Variants in HEATR5B observed in about 807,000 individuals in gnomAD.
HEATR5B encodes HEAT repeat containing 5B.
In HEATR5B, 156 loss-of-function variants were observed where a neutral mutation model predicts 224.1. That is an observed-to-expected ratio of 0.70 (90% CI 0.61 to 0.80). The LOEUF is 0.80. HEATR5B is among the 30% of genes least tolerant of loss of function. HEATR5B has a pLI of 0.00. For synonymous variants in HEATR5B, 1,027 were observed against 893.0 expected (o/e 1.15, Z -2.68); for missense variants, 2,323 against 2,535.5 (o/e 0.92, Z 1.80).
intron 22 of HEATR5B, among the ~76,000 whole-genome samples, chr2:37,031,861 C>G (rs912015051): frequency 2.6e-5 from 4 of 151,940 alleles, no homozygotes; most frequent in Non-Finnish European, 5.9e-5. Context: ...AGTTTCCAAA[C>G]CACCTACACC....
At chr2:37,081,487 T>C (rs1329182327) in intron 2 of HEATR5B, among the ~76,000 whole-genome samples, 1 of 152,102 alleles carries the variant, frequency 6.6e-6, no homozygotes, top group Non-Finnish European at 1.5e-5. Flanking sequence ...AAACCAACTG[T>C]TCCCAACAGG....
At chr2:37,020,595 C>G (rs1668402170) in intron 25 of HEATR5B, 60 bp downstream of exon 25, 66 of 1,308,638 alleles carry the variant, frequency 5.0e-5, no homozygotes, top group Non-Finnish European at 6.4e-5. Flanking sequence ...GAAGTCTGCA[C>G]TTCTTCAGCA....
In HEATR5B at chr2:37,013,908, G is replaced by C. The variant is rs1039114832; in HGVS notation, c.4217C>G (p.Ser1406Cys). 1.7e-5 allele frequency: 28 copies of C among 1,613,104 alleles called. No individual in the cohort carries two copies. In the African/African-American group the frequency reaches 3.3e-4, roughly 19 times the overall value. Residue 1406 changes from serine (S) to cysteine (C), a missense_variant, in exon 27 of 36, where the codon TCC becomes TGC. Ser to Cys is a moderately radical substitution (Grantham distance 112, BLOSUM62 -1). This residue lies in a region of HEATR5B where 844 missense variants were observed against 812.9 expected (regional missense o/e 1.04). Transcript: ENST00000233099. ...LDKVQAGKGSSSQLYRESATT... is the reference protein window; with the variant it reads ...LDKVQAGKGSCSQLYRESATT... ...GGCACTCTCTCGGTACAGCTGGCTG[G>C]AAGATCCTTTTCCAGCCTGAACTTT...
chr2:36,990,504 T>G, intron 34 of HEATR5B, 144 bp downstream of exon 34: 1 of 637,692 alleles, frequency 1.6e-6, no homozygotes, highest in Admixed American at 3.4e-5. Context: ...TTAAACCCAG[T>G]GATTTGTTTC....
At chr2:37,001,600 A>T (rs1036306619) in intron 32 of HEATR5B, among the ~76,000 whole-genome samples, 1 of 151,528 alleles carries the variant, frequency 6.6e-6, no homozygotes, top group African/African-American at 2.4e-5. Flanking sequence ...AAATACACTA[A>T]CATTAACAAC....
At position 37,070,251 on chromosome 2, in the gene HEATR5B, T is replaced by G. The variant is rs1435815979; in HGVS notation, c.906A>C (p.Glu302Asp). The part of the protein sequence containing the change: ...MLKVGGSVNR[E>D]VRVGVTQAYV... ...AAACCTGCGTAACTCCAACTCTCAC[T>G]TCACGATTAACGGACCCTCCAACTT... The change falls in exon 7 of 36, where the codon GAA becomes GAC. Residue 302 changes from glutamate (E) to aspartate (D), a missense_variant. Physicochemically the swap from Glu to Asp is conservative, Grantham distance 45 (BLOSUM62 2). Coordinates refer to ENST00000233099, the MANE Select transcript of HEATR5B (RefSeq NM_019024.3). 6.2e-7 allele frequency: 1 copy of G among 1,614,114 alleles called. No individual in the cohort carries two copies.
intron 2 of HEATR5B, 70 bp downstream of exon 2, chr2:37,083,219 T>C (rs1466054316): frequency 3.9e-5 from 61 of 1,564,628 alleles, no homozygotes; most frequent in Non-Finnish European, 4.7e-5. Flanking sequence ...ATAACATGTG[T>C]TTTCTTAAGA....
intron 12 of HEATR5B, among the ~76,000 whole-genome samples, chr2:37,060,252 G>A (rs79112110): frequency 0.016 from 2,367 of 152,232 alleles, 177 homozygotes; most frequent in Admixed American, 0.14. Flanking sequence ...TCTTTAAATA[G>A]CTGTTGGGTA....
chr2:37,025,014 A>G (rs979881231), intron 24 of HEATR5B, among the ~76,000 whole-genome samples: 5 of 152,218 alleles, frequency 3.3e-5, no homozygotes, highest in Non-Finnish European at 5.9e-5. Context: ...ATATTTGGGG[A>G]GTAGTAATTC....
At chr2:36,986,332 G>A (rs1206003362) in intron 35 of HEATR5B, among the ~76,000 whole-genome samples, 2 of 152,100 alleles carry the variant, frequency 1.3e-5, no homozygotes, top group East Asian at 3.9e-4. Flanking sequence ...TTGTTTTCAT[G>A]CAACATAGTA....
chr2:37,041,970 T>C (rs188457691), intron 18 of HEATR5B, among the ~76,000 whole-genome samples: 1 of 151,980 alleles, frequency 6.6e-6, no homozygotes, highest in Non-Finnish European at 1.5e-5. Context: ...CAGTATTACA[T>C]AAAATATTTT....
At chr2:36,984,215 A>AAAAAAAAAAAAAAAAAAAATATAT in intron 35 of HEATR5B, among the ~76,000 whole-genome samples, 1 of 77,644 alleles carries the variant, frequency 1.3e-5, no homozygotes, top group Admixed American at 1.4e-4. Context: ...AAAAAAAAAA[A>AAAAAAAAAAAAAAAAAAAATATAT]ATATATATAT....
chr2:37,018,072 C>A (rs567947333), intron 26 of HEATR5B, among the ~76,000 whole-genome samples: 14 of 152,128 alleles, frequency 9.2e-5, no homozygotes, highest in Non-Finnish European at 1.8e-4. Context: ...TCCTTACTTT[C>A]CTTAAAGGAA....
intron 27 of HEATR5B, among the ~76,000 whole-genome samples, chr2:37,012,579 A>G (rs781049471): frequency 6.6e-6 from 1 of 152,072 alleles, no homozygotes; most frequent in African/African-American, 2.4e-5. Context: ...TAGCAGAGAC[A>G]GTGTTTCACC....
At chr2:36,996,661 G>A (rs565446126) in intron 33 of HEATR5B, among the ~76,000 whole-genome samples, 9 of 151,874 alleles carry the variant, frequency 5.9e-5, no homozygotes, top group South Asian at 2.1e-4. Flanking sequence ...GCGTGATTTC[G>A]GCTCACCGCA....
At chr2:37,065,015 T>C (rs1195882174) in intron 9 of HEATR5B, 25 bp from the exon 10 acceptor site, 7 of 1,606,626 alleles carry the variant, frequency 4.4e-6, no homozygotes, top group Non-Finnish European at 5.1e-6. Flanking sequence ...CTCAAAATAT[T>C]ACTCTTTAAT....
At chr2:37,017,483 G>C (rs1242691872) in intron 26 of HEATR5B, among the ~76,000 whole-genome samples, 1 of 150,178 alleles carries the variant, frequency 6.7e-6, no homozygotes, top group African/African-American at 2.5e-5. Flanking sequence ...CCATGAGCTC[G>C]AGACCAGCCT....
At chr2:37,015,599 C>G (rs966451823) in intron 26 of HEATR5B, among the ~76,000 whole-genome samples, 1 of 152,118 alleles carries the variant, frequency 6.6e-6, no homozygotes, top group African/African-American at 2.4e-5. Context: ...GTTGAAGCTT[C>G]TGACTTGAAT....
rs896363538 is a variant in HEATR5B, at chr2:37,005,835, T to C, written c.4778-76A>G. On this transcript the variant is annotated intron_variant, in intron 29 of 35. Transcript: ENST00000233099. The stretch of plus-strand genomic sequence containing the variant: ...GTTGTTTGATCCCATATTTCTTCTC[T>C]ATTTATGTTTTTACAGATTACCTTA... 2.7e-5 allele frequency: 32 copies of C among 1,199,460 alleles called. No homozygotes were observed. The East Asian group carries it at 7.5e-4, about 28-fold the overall frequency. The allele number at this position is 1,199,460 out of a possible 1,614,324, so 74.3% of individuals were successfully genotyped here.
Sources: allele counts gnomAD v4.1 joint callset (sites outside exome capture counted in the v4.1 genomes callset), GRCh38; gene constraint gnomAD v4.1.1; regional missense constraint gnomAD v4.1.1; transcripts MANE v1.5; gene names NCBI Gene and HGNC (gene_info 2026-07-23, HGNC 2026-07-21).